The following ATRNL1 variants were observed in gnomAD, a reference collection of about 807,000 sequenced individuals.
ATRNL1 encodes attractin like 1.
Under a neutral mutation model 182.7 loss-of-function variants are expected in ATRNL1, and 95 were observed. That is an observed-to-expected ratio of 0.52 (90% CI 0.44 to 0.62). ATRNL1 has a LOEUF of 0.62. Ranked by LOEUF, ATRNL1 falls within the 20% of genes least tolerant of loss-of-function variation. The probability of loss-of-function intolerance (pLI) is 0.00; values close to 1 mark genes in which losing one functional copy is unlikely to be tolerated. For missense variants in ATRNL1, 1,471 were observed against 1,679.5 expected, an observed-to-expected ratio of 0.88 and a Z score of 2.17; for synonymous variants, 576 against 568.3, an observed-to-expected ratio of 1.01 and a Z score of -0.19.
intron 28 of ATRNL1, among the ~76,000 whole-genome samples, chr10:115,905,263 CAGGATAG>C (rs1952467091): frequency 6.6e-6 from 1 of 152,084 alleles, no homozygotes; most frequent in African/African-American, 2.4e-5. Context: ...CTCTGTCACC[CAGGATAG>C]AGTACAGTGG....
At chr10:115,200,529 C>T (rs1848528609) in intron 8 of ATRNL1, among the ~76,000 whole-genome samples, 1 of 149,602 alleles carries the variant, frequency 6.7e-6, no homozygotes, top group Admixed American at 6.7e-5. Context: ...TTTCCAATTT[C>T]ATCCATGTCC....
At chr10:115,186,411 C>T (rs1847943272) in intron 8 of ATRNL1, among the ~76,000 whole-genome samples, 1 of 152,068 alleles carries the variant, frequency 6.6e-6, no homozygotes, top group Non-Finnish European at 1.5e-5. Context: ...TCTACACTCC[C>T]ATGTTTGTTG....
intron 24 of ATRNL1, among the ~76,000 whole-genome samples, chr10:115,501,545 A>G (rs782490358): frequency 6.6e-6 from 1 of 152,168 alleles, no homozygotes; most frequent in Non-Finnish European, 1.5e-5. Context: ...TACTGTTACA[A>G]ATTAAAACAG....
At chr10:115,362,611 C>T (rs1856803060) in intron 19 of ATRNL1, among the ~76,000 whole-genome samples, 1 of 151,628 alleles carries the variant, frequency 6.6e-6, no homozygotes, top group African/African-American at 2.4e-5. Context: ...TGCTGGTGTG[C>T]TGCACCCACT....
intron 27 of ATRNL1, among the ~76,000 whole-genome samples, chr10:115,746,465 T>C (rs10885800): frequency 0.18 from 27,963 of 151,944 alleles, 3,245 homozygotes; most frequent in South Asian, 0.29. Flanking sequence ...GAGATTGTTT[T>C]ACTTTATTAG....
At chr10:115,157,698 C>T (rs562498258) in intron 5 of ATRNL1, among the ~76,000 whole-genome samples, 58 of 152,184 alleles carry the variant, frequency 3.8e-4, no homozygotes, top group South Asian at 2.1e-4. Context: ...AGATAATTCA[C>T]GATAATCTCT....
chr10:115,396,710 T>G (rs1844307000), intron 20 of ATRNL1, among the ~76,000 whole-genome samples: 1 of 151,986 alleles, frequency 6.6e-6, no homozygotes. Context: ...ATCTTCTTAG[T>G]ATAGTTTTAC....
chr10:115,727,102 T>C, intron 26 of ATRNL1, 146 bp from the exon 27 acceptor site: 1 of 614,798 alleles, frequency 1.6e-6, no homozygotes, highest in South Asian at 2.0e-5. Flanking sequence ...AAAGTAATTT[T>C]CATCTTTAGT....
At chr10:115,095,907 G>T (rs2085000246) in intron 1 of ATRNL1, among the ~76,000 whole-genome samples, 1 of 152,132 alleles carries the variant, frequency 6.6e-6, no homozygotes, top group South Asian at 2.1e-4. Context: ...TGCTCCGTTT[G>T]TCTAAAGAGG....
At chr10:115,534,520 C>T (rs1056657062) in intron 25 of ATRNL1, among the ~76,000 whole-genome samples, 12 of 152,260 alleles carry the variant, frequency 7.9e-5, no homozygotes, top group Admixed American at 6.5e-4. Flanking sequence ...GATGGGTTTC[C>T]TGAATACAGC....
chr10:115,613,417 G>A (rs1174860750), intron 26 of ATRNL1, among the ~76,000 whole-genome samples: 1 of 152,122 alleles, frequency 6.6e-6, no homozygotes, highest in Non-Finnish European at 1.5e-5. Context: ...TGCTCTGTTA[G>A]ATTCGCTTTG....
intron 13 of ATRNL1, among the ~76,000 whole-genome samples, chr10:115,270,026 T>C (rs1239371369): frequency 2.0e-5 from 3 of 151,818 alleles, no homozygotes; most frequent in Non-Finnish European, 4.4e-5. Flanking sequence ...TTCAATTTTA[T>C]TTGAGTTTTA....
At chr10:115,255,284 ATTTG>A (rs1213321577) in intron 10 of ATRNL1, among the ~76,000 whole-genome samples, 3 of 152,092 alleles carry the variant, frequency 2.0e-5, no homozygotes, top group African/African-American at 7.2e-5. Flanking sequence ...ATATTCTTCC[ATTTG>A]TTTGTGTCCT....
chr10:115,188,178 T>C (rs939445226), intron 8 of ATRNL1, among the ~76,000 whole-genome samples: 1 of 152,056 alleles, frequency 6.6e-6, no homozygotes, highest in Non-Finnish European at 1.5e-5. Flanking sequence ...GACAGGTATA[T>C]GTGTATGGGG....
intron 27 of ATRNL1, among the ~76,000 whole-genome samples, chr10:115,759,931 A>T (rs1165720736): frequency 7.1e-6 from 1 of 140,892 alleles, no homozygotes; most frequent in African/African-American, 2.6e-5. Flanking sequence ...TGACCTCATG[A>T]TCTGCCCACT....
At chr10:115,623,512 T>TTAA (rs1857906002) in intron 26 of ATRNL1, among the ~76,000 whole-genome samples, 1 of 152,154 alleles carries the variant, frequency 6.6e-6, no homozygotes, top group Non-Finnish European at 1.5e-5. Context: ...ATCTATAGTC[T>TTAA]TAACTATTCA....
rs550837482 is a variant in ATRNL1 at position 115,329,514 on chromosome 10, A to G, written c.3038-4768A>G. On this transcript the variant is annotated intron_variant, in intron 18 of 28. Coordinates refer to ENST00000355044, the MANE Select transcript of ATRNL1 (RefSeq NM_207303.4). Reference sequence around the variant, plus strand: ...CCCTACTACTATTGTTTTGCTTTCTATACCTCCCTTTGGATCTATTAATGT... The same window carrying G: ...CCCTACTACTATTGTTTTGCTTTCTGTACCTCCCTTTGGATCTATTAATGT... Among the ~76,000 whole-genome samples, 38 of 152,166 alleles carry G rather than the reference A, an allele frequency of 2.5e-4. 1 individual carries two copies. In the South Asian group the frequency reaches 6.8e-3, roughly 27 times the overall value.
At chr10:115,455,853 A>G (rs973507159) in intron 21 of ATRNL1, among the ~76,000 whole-genome samples, 3 of 152,204 alleles carry the variant, frequency 2.0e-5, no homozygotes, top group East Asian at 1.9e-4. Context: ...CTCACAGAAG[A>G]TGTTTCTGTG....
chr10:115,172,449 G>T (rs1847330874), intron 8 of ATRNL1, among the ~76,000 whole-genome samples: 1 of 151,914 alleles, frequency 6.6e-6, no homozygotes, highest in African/African-American at 2.4e-5. Flanking sequence ...ATATTTTTAT[G>T]TTGTAAATAT....
Sources: gnomAD v4.1 joint callset for allele counts (sites outside exome capture counted in the v4.1 genomes callset) on GRCh38, gnomAD v4.1.1 for gene constraint, MANE v1.5 for transcripts, NCBI Gene and HGNC (gene_info 2026-07-23, HGNC 2026-07-21) for gene names.